The following RADX variants were observed in gnomAD, a reference collection of about 807,000 sequenced individuals.
The protein encoded by RADX is RPA1 related single stranded DNA binding protein, X-linked, also known as RPA-related protein RADX.
In RADX, 36 loss-of-function variants were observed where a neutral mutation model predicts 61.6. The ratio of observed to expected loss-of-function variants is 0.58; its 90% CI spans 0.45 to 0.77. The LOEUF (loss-of-function observed/expected upper bound fraction) is 0.77, where lower values mean the gene tolerates loss of function less well. Among genes scored for constraint, RADX ranks in the 30% least tolerant of loss-of-function variants. The probability of loss-of-function intolerance (pLI) is 0.00; values close to 1 mark genes in which losing one functional copy is unlikely to be tolerated. For missense variants in RADX, 497 were observed against 651.1 expected (o/e 0.76, Z 2.58); for synonymous variants, 272 against 237.9 (o/e 1.14, Z -1.32).
chrX:106,655,854 C>A (rs1927928107), intron 11 of RADX, among the ~76,000 whole-genome samples: 1 of 111,624 alleles, frequency 9.0e-6, no homozygotes, highest in Non-Finnish European at 1.9e-5. Context: ...TGGGTATATA[C>A]CTAGAAATGG....
Position 106,625,169 on chromosome X carries a change from G to A in RADX, c.866G>A (p.Ser289Asn). ...WNALCPEWYK[S>N]LRVGLVLLLQ... The stretch of plus-strand genomic sequence containing the variant: ...GCCCTGTGTCCTGAGTGGTATAAAA[G>A]TTTGCGGGTTGGTTTAGTTCTTCTG... The change falls in exon 3 of 14, where the codon AGT (serine) becomes AAT (asparagine). Residue 289 changes from serine to asparagine, a missense_variant. Coordinates refer to ENST00000372548, the MANE Select transcript of RADX (RefSeq NM_018015.6). 8.3e-7 allele frequency: 1 copy of A among 1,207,992 alleles called. No homozygotes were observed. Among genetic ancestry groups the A allele is most frequent in the Non-Finnish European group, 1.1e-6 (1 of 893,315 alleles).
intron 1 of RADX, among the ~76,000 whole-genome samples, chrX:106,620,837 A>G (rs1926925517): frequency 8.9e-6 from 1 of 112,150 alleles, no homozygotes; most frequent in African/African-American, 3.2e-5. Flanking sequence ...TATTACTATG[A>G]ATTTACACAA....
intron 10 of RADX, among the ~76,000 whole-genome samples, 171 bp from the exon 11 acceptor site, chrX:106,648,142 T>C (rs759778234): frequency 2.3e-4 from 26 of 111,826 alleles, no homozygotes; most frequent in Non-Finnish European, 4.0e-4. Context: ...GTTTTATATA[T>C]GGATATTTTT....
intron 13 of RADX, among the ~76,000 whole-genome samples, chrX:106,673,405 T>C (rs999675832): frequency 9.1e-6 from 1 of 110,413 alleles, no homozygotes; most frequent in Non-Finnish European, 1.9e-5. Flanking sequence ...TGGCCTAGAG[T>C]GTGTCTAGAA....
chrX:106,630,345 CAAAA>C (rs1172087905), intron 3 of RADX, among the ~76,000 whole-genome samples: 4 of 80,403 alleles, frequency 5.0e-5, no homozygotes, highest in South Asian at 1.2e-3. Flanking sequence ...AACAAACAAA[CAAAA>C]AAAAAAAAAA....
chrX:106,631,860 AAAAG>A lies in RADX; in HGVS notation c.980-752_980-749del, dbSNP rs201937207. Among the ~76,000 whole-genome samples, 64 of 110,084 alleles carry A rather than the reference AAAAG, an allele frequency of 5.8e-4. 1 individual carries two copies. Among genetic ancestry groups the A allele is most frequent in the African/African-American group, 1.7e-3 (50 of 29,746 alleles). ...AGAAAGAAAAAAGAAAGAAAAAGAGAAAAGAAAGAAAGAAAGTTAGTTGACAATA... is the reference window on the plus strand; with the variant it reads ...AGAAAGAAAAAAGAAAGAAAAAGAGAAAAGAAAGAAAGTTAGTTGACAATA... On this transcript the variant is annotated intron_variant, in intron 3 of 13. Transcript: ENST00000372548.
Position 106,678,165 on chromosome X carries a change from G to T in RADX, c.2475G>T (p.Val825=). ...IIKAATELDR[V]HIVGILDICN... ...AAGCAGCAACTGAACTGGATAGAGT[G>T]CATATCGTCGGTATCTTGGATATCT... The change falls in exon 14 of 14, where the codon GTG becomes GTT. Residue 825 remains valine, a synonymous_variant. Transcript: ENST00000372548. 8.5e-7 allele frequency: 1 copy of T among 1,176,759 alleles called. No individual in the cohort carries two copies.
At chrX:106,652,266 T>C (rs779734170) in intron 11 of RADX, among the ~76,000 whole-genome samples, 3 of 110,921 alleles carry the variant, frequency 2.7e-5, no homozygotes, top group South Asian at 3.8e-4. Flanking sequence ...TGTGCTATGA[T>C]TGTGTCTGTG....
At chrX:106,672,220 C>T (rs974289595) in intron 13 of RADX, among the ~76,000 whole-genome samples, 1 of 111,862 alleles carries the variant, frequency 8.9e-6, no homozygotes, top group Non-Finnish European at 1.9e-5. Flanking sequence ...TGTTGTGCAA[C>T]CATCACCACT....
chrX:106,634,340 T>G (rs1185567635), intron 6 of RADX, among the ~76,000 whole-genome samples: 1 of 111,094 alleles, frequency 9.0e-6, no homozygotes, highest in African/African-American at 3.3e-5. Context: ...TTCACCATGT[T>G]GGGCAGGCTA....
At chrX:106,629,023 G>A (rs1390129733) in intron 3 of RADX, among the ~76,000 whole-genome samples, 2 of 112,193 alleles carry the variant, frequency 1.8e-5, no homozygotes, top group Non-Finnish European at 3.8e-5. Flanking sequence ...TTTGCTGGAT[G>A]TGTATGGCTT....
At chrX:106,659,624 A>G (rs1928038853) in intron 11 of RADX, among the ~76,000 whole-genome samples, 1 of 111,485 alleles carries the variant, frequency 9.0e-6, no homozygotes, top group Admixed American at 9.5e-5. Flanking sequence ...TTATTTTTAG[A>G]AAAACCTGAG....
intron 9 of RADX, 170 bp downstream of exon 9, chrX:106,639,857 G>A (rs1361824542): frequency 6.6e-6 from 2 of 304,641 alleles, no homozygotes; most frequent in African/African-American, 2.9e-5. Flanking sequence ...GCCTATAAAA[G>A]TAATGGCAAA....
intron 11 of RADX, among the ~76,000 whole-genome samples, chrX:106,660,228 T>A (rs180759862): frequency 5.5e-4 from 62 of 111,945 alleles, no homozygotes; most frequent in African/African-American, 1.9e-3. Flanking sequence ...TGTGACTAAG[T>A]TTTTTATCCC....
rs770131694 is a variant in RADX, at chrX:106,669,306, T to C, written c.2413T>C (p.Leu805=). Residue 805 remains leucine (L), a synonymous_variant, in exon 13 of 14, where the codon TTG becomes CTG. Coordinates refer to ENST00000372548, the MANE Select transcript of RADX (RefSeq NM_018015.6). ...ACAGGACACAACTGGAAATGACCGA[T>C]TGCCAGGTCCAAGAGCGGTTGCAGG... ...YPQDTTGNDR[L]PGPRAVAGDI... The C allele has an allele frequency of 4.2e-6, 5 of 1,201,272 alleles. No individual in the cohort carries two copies. The South Asian group carries it at 9.1e-5, about 22-fold the overall frequency.
intron 11 of RADX, among the ~76,000 whole-genome samples, chrX:106,660,863 A>G (rs1020446939): frequency 8.9e-6 from 1 of 111,847 alleles, no homozygotes; most frequent in Admixed American, 9.5e-5. Context: ...GAGACTGGGT[A>G]ATTTACGAAG....
intron 1 of RADX, among the ~76,000 whole-genome samples, chrX:106,620,871 C>T (rs751610184): frequency 8.9e-6 from 1 of 111,838 alleles, no homozygotes; most frequent in East Asian, 2.8e-4. Context: ...TGTAAACAGC[C>T]TCTAATTCTT....
chrX:106,612,208 G>T lies in RADX; in HGVS notation c.128G>T (p.Arg43Met), dbSNP rs1926694252. 1.6e-5 allele frequency: 19 copies of T among 1,211,725 alleles called. No individual in the cohort carries two copies. Among genetic ancestry groups the T allele is most frequent in the Non-Finnish European group, 2.1e-5 (19 of 895,524 alleles). ...CGAAGAGCTGGTTCCCAAGGGCCCA[G>T]GTCCTGGATCCAAAAGGTTCTTGAG... ...VIRRAGSQGP[R>M]SWIQKVLEQI... The change falls in exon 1 of 14, where the codon AGG becomes ATG. Residue 43 changes from arginine to methionine, a missense_variant. Physicochemically the swap from Arg to Met is moderately conservative, Grantham distance 91 (BLOSUM62 -1). Coordinates refer to ENST00000372548, the MANE Select transcript of RADX (RefSeq NM_018015.6).
At chrX:106,672,925 G>A (rs1013349099) in intron 13 of RADX, among the ~76,000 whole-genome samples, 3 of 111,807 alleles carry the variant, frequency 2.7e-5, no homozygotes, top group Admixed American at 9.5e-5. Context: ...CAGGCCTATG[G>A]GGAGCACTGC....
Sources: allele counts gnomAD v4.1 joint callset (sites outside exome capture counted in the v4.1 genomes callset), GRCh38; gene constraint gnomAD v4.1.1; transcripts MANE v1.5; gene names NCBI Gene and HGNC (gene_info 2026-07-23, HGNC 2026-07-21).